ZNF385D: variants seen among roughly 807,000 people sequenced by gnomAD.
ZNF385D encodes the protein zinc finger protein 385D.
ZNF385D carries 15 observed loss-of-function variants against 35.8 expected under a neutral mutation model. That is an observed-to-expected ratio of 0.42 (90% CI 0.28 to 0.64). ZNF385D has a LOEUF of 0.64. Among genes scored for constraint, ZNF385D ranks in the 30% least tolerant of loss-of-function variants. The probability of loss-of-function intolerance (pLI) is 0.23; values close to 1 mark genes in which losing one functional copy is unlikely to be tolerated. For missense variants in ZNF385D, 474 were observed against 494.6 expected, an observed-to-expected ratio of 0.96 and a Z score of 0.39; for synonymous variants, 212 against 186.8, an observed-to-expected ratio of 1.13 and a Z score of -1.10.
intron 1 of ZNF385D, among the ~76,000 whole-genome samples, chr3:21,711,415 A>C (rs572058377): frequency 1.1e-4 from 16 of 152,336 alleles, no homozygotes; most frequent in African/African-American, 3.6e-4. Flanking sequence ...ATATTCTATT[A>C]ATAAGTTTGT....
At position 21,683,874 on chromosome 3, in the gene ZNF385D, A is replaced by G. The variant is rs139509002; in HGVS notation, c.23-18846T>C. ...TCTGCTAACAAGAATGAATTTGAGA[A>G]ACAGATTTTTAACACAGAGTGTCCT... On this transcript the variant is annotated intron_variant, in intron 1 of 7. Coordinates refer to ENST00000281523, the MANE Select transcript of ZNF385D (RefSeq NM_024697.3). Among the ~76,000 whole-genome samples the G allele has an allele frequency of 1.0e-3, 150 of 150,214 alleles. 13 individuals carry two copies. The highest frequency in any genetic ancestry group is 3.3e-3 in the African/African-American group (136 of 40,860).
intron 3 of ZNF385D, among the ~76,000 whole-genome samples, chr3:21,996,444 G>C (rs73820900): frequency 0.013 from 2,048 of 152,196 alleles, 41 homozygotes; most frequent in African/African-American, 0.047. Context: ...TCTCTCAGAT[G>C]ATCTATCCAA....
chr3:22,009,902 A>T (rs1056224273), intron 3 of ZNF385D, among the ~76,000 whole-genome samples: 2 of 151,560 alleles, frequency 1.3e-5, no homozygotes, highest in Non-Finnish European at 2.9e-5. Context: ...AAAATACAAA[A>T]TTTTTAAAAT....
chr3:21,714,293 C>T (rs1053777564), intron 1 of ZNF385D, among the ~76,000 whole-genome samples: 1 of 152,196 alleles, frequency 6.6e-6, no homozygotes, highest in African/African-American at 2.4e-5. Flanking sequence ...TCCTGCTTCC[C>T]TAGACTAAGT....
At chr3:21,701,517 A>C (rs1369734609) in intron 1 of ZNF385D, among the ~76,000 whole-genome samples, 2 of 151,990 alleles carry the variant, frequency 1.3e-5, no homozygotes. Flanking sequence ...TATCATTCCA[A>C]ACCTGGCCCC....
chr3:21,820,561 T>G (rs181834275), intron 3 of ZNF385D, among the ~76,000 whole-genome samples: 2,631 of 151,572 alleles, frequency 0.017, 29 homozygotes, highest in Non-Finnish European at 0.023. Context: ...TAATAATTTA[T>G]GAATAGAAAA....
At position 21,418,143 on chromosome 3, in the gene ZNF385D, T is replaced by C. The variant is rs1575110316; in HGVS notation, c.*3071A>G. The C allele has an allele frequency of 6.6e-6, 1 of 152,124 alleles. No homozygotes were observed. The highest frequency in any genetic ancestry group is 1.5e-5 in the Non-Finnish European group (1 of 67,996). The allele number at this position is 152,124 out of a possible 1,614,324, so 9.4% of individuals were successfully genotyped here. A position where few individuals can be genotyped will look rare whatever the true frequency, so the allele number is the denominator to read the frequency against. Reference sequence around the variant, plus strand: ...AGAGGCATTTGGCTTCTGCAATGCATTTATATTTGTTTCAAATGAATCAGA... The same window carrying C: ...AGAGGCATTTGGCTTCTGCAATGCACTTATATTTGTTTCAAATGAATCAGA... On this transcript the variant is annotated 3_prime_UTR_variant, in exon 8 of 8. Coordinates refer to ENST00000281523, the MANE Select transcript of ZNF385D (RefSeq NM_024697.3).
chr3:22,225,566 C>A (rs906909226), intron 2 of ZNF385D, among the ~76,000 whole-genome samples: 9 of 152,304 alleles, frequency 5.9e-5, no homozygotes, highest in African/African-American at 2.2e-4. Flanking sequence ...GTATTCTACA[C>A]TGGCTCCCAG....
Position 21,626,568 on chromosome 3 carries a change from A to G in ZNF385D, c.165+38318T>C, listed in dbSNP as rs562447817. ...GAGGCTATGTCAGGATAAAGCGTTG[A>G]GGAGCTTTATGGCTTTGTTGCCATT... On this transcript the variant is annotated intron_variant, in intron 2 of 7. Transcript: ENST00000281523. 3.3e-5 allele frequency among the ~76,000 whole-genome samples: 5 copies of G among 152,172 alleles called. No individual in the cohort carries two copies. In the East Asian group the frequency reaches 9.7e-4, roughly 29 times the overall value.
At chr3:21,655,777 C>T (rs2066053816) in intron 2 of ZNF385D, among the ~76,000 whole-genome samples, 1 of 151,968 alleles carries the variant, frequency 6.6e-6, no homozygotes, top group African/African-American at 2.4e-5. Flanking sequence ...ATCAAGGAAT[C>T]TGAAATCTAG....
chr3:21,503,822 TAA>T (rs2125446236), intron 4 of ZNF385D, among the ~76,000 whole-genome samples: 1 of 152,280 alleles, frequency 6.6e-6, no homozygotes, highest in African/African-American at 2.4e-5. Flanking sequence ...TGCATTCCAA[TAA>T]ACACTTACAG....
At chr3:21,717,129 A>G (rs1196670906) in intron 1 of ZNF385D, among the ~76,000 whole-genome samples, 1 of 151,964 alleles carries the variant, frequency 6.6e-6, no homozygotes, top group Non-Finnish European at 1.5e-5. Context: ...TAACAATAAC[A>G]ACAAGATTCC....
At position 21,924,244 on chromosome 3, in the gene ZNF385D, C is replaced by T. The variant is rs141202928; in HGVS notation, c.325+244573G>A. On this transcript the variant is annotated intron_variant, in intron 3 of 5. Transcript: ENST00000494108. ...ATTATATATAATACAAACATAAAAA[C>T]ACTCTTAAAGGTGAAGAGAAGAAGG... Among the ~76,000 whole-genome samples, 85 of 152,218 alleles carry T rather than the reference C, an allele frequency of 5.6e-4. 1 individual carries two copies. In the East Asian group the frequency reaches 0.015, roughly 27 times the overall value.
chr3:22,219,567 T>G (rs1013279936), intron 2 of ZNF385D, among the ~76,000 whole-genome samples: 1 of 152,158 alleles, frequency 6.6e-6, no homozygotes, highest in African/African-American at 2.4e-5. Context: ...TAAATAGTAC[T>G]GTAGGTCCCT....
rs1218497584 is a variant in ZNF385D at position 22,303,194 on chromosome 3, C to T, written c.106+69256G>A. Among the ~76,000 whole-genome samples the T allele has an allele frequency of 2.6e-5, 4 of 152,234 alleles. No individual in the cohort carries two copies. The East Asian group carries it at 7.7e-4, about 29-fold the overall frequency. On this transcript the variant is annotated intron_variant, in intron 2 of 5. Coordinates refer to the ZNF385D transcript ENST00000494108. ...CTAGAATGAAGACAAAATATCCAGC[C>T]TCTCTTGCAGCTACATGTATTGTGT...
intron 3 of ZNF385D, among the ~76,000 whole-genome samples, chr3:22,130,521 C>T (rs1703718223): frequency 6.6e-6 from 1 of 152,128 alleles, no homozygotes; most frequent in Non-Finnish European, 1.5e-5. Flanking sequence ...GGTCTAAATG[C>T]TTCCTCCAAG....
intron 2 of ZNF385D, among the ~76,000 whole-genome samples, chr3:22,266,670 C>G (rs1041290503): frequency 3.3e-5 from 5 of 151,914 alleles, no homozygotes; most frequent in Admixed American, 2.6e-4. Context: ...ATTTTCTATT[C>G]TGGTACAAAG....
intron 2 of ZNF385D, among the ~76,000 whole-genome samples, chr3:22,266,685 T>A (rs990267901): frequency 1.3e-5 from 2 of 151,946 alleles, no homozygotes; most frequent in African/African-American, 4.8e-5. Flanking sequence ...ACAAAGGTAT[T>A]CTTTTCACAG....
At position 21,717,099 on chromosome 3, in the gene ZNF385D, C is replaced by T. The variant is rs149989656; in HGVS notation, c.22+33796G>A. Among the ~76,000 whole-genome samples, 10 of 152,290 alleles carry T rather than the reference C, an allele frequency of 6.6e-5. No individual in the cohort carries two copies. In the East Asian group the frequency reaches 1.7e-3, roughly 26 times the overall value. ...AGAGAGCCAAGATTGCGCCACTGCA[C>T]TCCAACCTGGCAACGACAATAACAA... On this transcript the variant is annotated intron_variant, in intron 1 of 7. Transcript: ENST00000281523.
Sources: gnomAD v4.1 joint callset for allele counts (sites outside exome capture counted in the v4.1 genomes callset) on GRCh38, gnomAD v4.1.1 for gene constraint, MANE v1.5 for transcripts, NCBI Gene and HGNC (gene_info 2026-07-23, HGNC 2026-07-21) for gene names.